FHIT: variants seen among roughly 807,000 people sequenced by gnomAD.
FHIT encodes the protein fragile histidine triad diadenosine triphosphatase.
FHIT carries 19 observed loss-of-function variants against 17.9 expected under a neutral mutation model. The observed-to-expected ratio is 1.06, with a 90% CI of 0.74 to 1.56. The LOEUF (loss-of-function observed/expected upper bound fraction) is 1.56. Among genes scored for constraint, FHIT ranks in the 40% most tolerant of loss-of-function variants. FHIT has a pLI of 0.00. For synonymous variants in FHIT, 81 were observed against 69.7 expected, an observed-to-expected ratio of 1.16 and a Z score of -0.81; for missense variants, 248 against 189.2, an observed-to-expected ratio of 1.31 and a Z score of -1.82.
intron 5 of FHIT, among the ~76,000 whole-genome samples, chr3:60,294,661 C>A (rs755172832): frequency 2.6e-5 from 4 of 152,132 alleles, no homozygotes; most frequent in Non-Finnish European, 4.4e-5. Context: ...CATGTTGCCC[C>A]TTTCTGGCCA....
At position 60,322,094 on chromosome 3, in the gene FHIT, C is replaced by T. The variant is rs143200526; in HGVS notation, c.103+214766G>A. ...AATTTCCCATGGAATTTTCAAGAAACACATTTGTCCAGGTACAGCCCATAG... is the reference window on the plus strand; with the variant it reads ...AATTTCCCATGGAATTTTCAAGAAATACATTTGTCCAGGTACAGCCCATAG... On this transcript the variant is annotated intron_variant, in intron 5 of 9. Transcript: ENST00000492590. Among the ~76,000 whole-genome samples the T allele has an allele frequency of 4.4e-3, 673 of 152,310 alleles. 1 individual carries two copies. Among genetic ancestry groups the T allele is most frequent in the African/African-American group, 0.015 (627 of 41,578 alleles).
chr3:60,052,732 A>C (rs560311413), intron 5 of FHIT, among the ~76,000 whole-genome samples: 1 of 149,116 alleles, frequency 6.7e-6, no homozygotes, highest in East Asian at 2.0e-4. Flanking sequence ...GGATGGGAAA[A>C]AGTATGTCTA....
At chr3:60,554,099 GAAAA>G (rs1002533800) in intron 4 of FHIT, among the ~76,000 whole-genome samples, 1 of 150,788 alleles carries the variant, frequency 6.6e-6, no homozygotes, top group East Asian at 1.9e-4. Flanking sequence ...CTCAAAAAAA[GAAAA>G]AAAACGTATC....
At chr3:59,865,372 A>G (rs941512659) in intron 8 of FHIT, among the ~76,000 whole-genome samples, 4 of 152,260 alleles carry the variant, frequency 2.6e-5, no homozygotes, top group African/African-American at 7.2e-5. Context: ...TAGCTATTCT[A>G]TTCACTTTAG....
At chr3:60,301,040 C>T (rs183002315) in intron 5 of FHIT, among the ~76,000 whole-genome samples, 26 of 152,182 alleles carry the variant, frequency 1.7e-4, no homozygotes, top group African/African-American at 4.6e-4. Flanking sequence ...TAGATTCCCC[C>T]GGATCCCTAG....
chr3:59,868,058 A>AC (rs1208435087), intron 8 of FHIT, among the ~76,000 whole-genome samples: 2 of 151,594 alleles, frequency 1.3e-5, no homozygotes, highest in African/African-American at 4.8e-5. Flanking sequence ...AAAAAAAAAA[A>AC]AAAAAAAACC....
intron 5 of FHIT, among the ~76,000 whole-genome samples, chr3:60,207,300 A>G (rs1252807227): frequency 6.6e-6 from 1 of 152,182 alleles, no homozygotes; most frequent in Non-Finnish European, 1.5e-5. Context: ...ATTTTGATAT[A>G]CAAAATATAA....
intron 5 of FHIT, among the ~76,000 whole-genome samples, chr3:60,319,145 G>A (rs866504296): frequency 1.3e-5 from 2 of 152,060 alleles, no homozygotes; most frequent in Admixed American, 6.6e-5. Flanking sequence ...TGCCACATAA[G>A]GTAACATTCA....
rs558967166 is a variant in FHIT at position 60,527,743 on chromosome 3, G to T, written c.103+9117C>A. 5.7e-4 allele frequency among the ~76,000 whole-genome samples: 87 copies of T among 152,292 alleles called. 1 individual carries two copies. The South Asian group carries it at 9.7e-3, about 17-fold the overall frequency. On this transcript the variant is annotated intron_variant, in intron 5 of 9. Transcript: ENST00000492590. Reference sequence around the variant, plus strand: ...AAAGATTTAGGAAAATACAACACTAGAAAGTGGGGCTAATGGGAAAGGTTT... The same window carrying T: ...AAAGATTTAGGAAAATACAACACTATAAAGTGGGGCTAATGGGAAAGGTTT...
At chr3:60,384,836 T>TA (rs5849358) in intron 5 of FHIT, among the ~76,000 whole-genome samples, 3,462 of 135,474 alleles carry the variant, frequency 0.026, 52 homozygotes, top group African/African-American at 0.034. Flanking sequence ...TTCACATTAG[T>TA]AAAAAAAAAA....
chr3:61,167,169 T>A (rs551096213), intron 2 of FHIT: 1 of 152,134 alleles, frequency 6.6e-6, no homozygotes, highest in African/African-American at 2.4e-5. Context: ...ACATGAGAAT[T>A]CGATACAGGA....
chr3:60,918,075 T>C (rs1332371068), intron 3 of FHIT, among the ~76,000 whole-genome samples: 1 of 152,204 alleles, frequency 6.6e-6, no homozygotes, highest in Non-Finnish European at 1.5e-5. Context: ...CTCGTGGTAG[T>C]AATTAAGTTT....
intron 4 of FHIT, among the ~76,000 whole-genome samples, chr3:60,704,945 T>G (rs2041336036): frequency 6.6e-6 from 1 of 151,948 alleles, no homozygotes; most frequent in African/African-American, 2.4e-5. Flanking sequence ...GAGCTTCACA[T>G]GACTGCCACT....
chr3:60,037,530 G>T (rs1333417216), intron 5 of FHIT, among the ~76,000 whole-genome samples: 1 of 148,926 alleles, frequency 6.7e-6, no homozygotes, highest in Non-Finnish European at 1.5e-5. Context: ...CTACAGGCAC[G>T]CACCACCGCA....
At chr3:59,878,146 G>C (rs991921431) in intron 8 of FHIT, among the ~76,000 whole-genome samples, 1 of 151,956 alleles carries the variant, frequency 6.6e-6, no homozygotes, top group Non-Finnish European at 1.5e-5. Flanking sequence ...TATAATAAAA[G>C]GAATGACTGA....
At chr3:60,222,833 A>G (rs144168025) in intron 5 of FHIT, among the ~76,000 whole-genome samples, 242 of 152,228 alleles carry the variant, frequency 1.6e-3, no homozygotes, top group African/African-American at 5.6e-3. Flanking sequence ...CTCGGGAGGC[A>G]GAGGTTGCAG....
chr3:61,244,789 T>A (rs2040451092), intron 1 of FHIT, among the ~76,000 whole-genome samples: 2 of 152,234 alleles, frequency 1.3e-5, no homozygotes. Context: ...TATTCAATCA[T>A]ACTTCTACAC....
intron 2 of FHIT, among the ~76,000 whole-genome samples, chr3:61,165,340 G>C (rs1308043845): frequency 6.6e-6 from 1 of 152,144 alleles, no homozygotes; most frequent in Non-Finnish European, 1.5e-5. Flanking sequence ...TTCTGACAGT[G>C]TGAGATGGTA....
intron 5 of FHIT, among the ~76,000 whole-genome samples, chr3:60,274,698 T>C (rs549277450): frequency 2.0e-5 from 3 of 152,266 alleles, no homozygotes; most frequent in South Asian, 2.1e-4. Flanking sequence ...ACAGAAGATA[T>C]AGTCTCTTGG....
Sources: allele counts gnomAD v4.1 joint callset (sites outside exome capture counted in the v4.1 genomes callset), GRCh38; gene constraint gnomAD v4.1.1; transcripts MANE v1.5; gene names NCBI Gene and HGNC (gene_info 2026-07-23, HGNC 2026-07-21).